The following RASA1 variants were observed in gnomAD, a reference collection of about 807,000 sequenced individuals.
RASA1 encodes the protein ras GTPase-activating protein 1.
RASA1 carries 25 observed loss-of-function variants against 132.2 expected under a neutral mutation model. The ratio of observed to expected loss-of-function variants is 0.19; its 90% CI spans 0.14 to 0.26. RASA1 has a LOEUF of 0.26. Among genes scored for constraint, RASA1 ranks in the 10% least tolerant of loss-of-function variants. RASA1 has a pLI of 1.00. For synonymous variants in RASA1, 477 were observed against 449.9 expected (o/e 1.06, Z -0.76); for missense variants, 964 against 1,299.2 (o/e 0.74, Z 3.97).
At chr5:87,337,197 T>C (rs2112384114) in intron 4 of RASA1, among the ~76,000 whole-genome samples, 1 of 152,236 alleles carries the variant, frequency 6.6e-6, no homozygotes, top group East Asian at 1.9e-4. Flanking sequence ...GAATTACTAA[T>C]GGTTTTATAT....
intron 11 of RASA1, among the ~76,000 whole-genome samples, chr5:87,366,964 C>T (rs1414360753): frequency 1.3e-5 from 2 of 152,222 alleles, no homozygotes; most frequent in African/African-American, 4.8e-5. Flanking sequence ...CCCAGGCTCA[C>T]AACTGCCAGG....
chr5:87,384,121 T>C (rs1430791963), intron 21 of RASA1, among the ~76,000 whole-genome samples: 2 of 152,142 alleles, frequency 1.3e-5, no homozygotes, highest in African/African-American at 2.4e-5. Flanking sequence ...GCTTAGCCCA[T>C]TGCTAGACTG....
intron 1 of RASA1, among the ~76,000 whole-genome samples, chr5:87,271,538 G>A (rs924251548): frequency 1.5e-5 from 2 of 132,496 alleles, no homozygotes; most frequent in African/African-American, 6.0e-5. Flanking sequence ...GCGTGTTTTC[G>A]GCTCACTGCA....
rs745660568 is a variant in RASA1 at position 87,331,507 on chromosome 5, C to CT, written c.692+10dup. The stretch of plus-strand genomic sequence containing the variant: ...ATGTTGTCAACCATTTTAGGTAAGT[C>CT]TTTATTCCTATTATGAAGCCAAATG... On this transcript the variant is annotated splice_region_variant and intron_variant, in intron 2 of 24. Coordinates refer to ENST00000274376, the MANE Select transcript of RASA1 (RefSeq NM_002890.3). 1.2e-6 allele frequency: 2 copies of CT among 1,613,284 alleles called. No homozygotes were observed. The highest frequency in any genetic ancestry group is 1.7e-6 in the Non-Finnish European group (2 of 1,179,468).
chr5:87,385,517 T>C, intron 22 of RASA1, 128 bp downstream of exon 22: 1 of 737,792 alleles, frequency 1.4e-6, no homozygotes, highest in Non-Finnish European at 2.3e-6. Context: ...TTTTTGTTGG[T>C]ATGTTTGTTT....
intron 9 of RASA1, among the ~76,000 whole-genome samples, chr5:87,360,129 T>TTG (rs1554047680): frequency 1.3e-5 from 2 of 151,582 alleles, no homozygotes; most frequent in African/African-American, 4.9e-5. Context: ...ATGCAGTTTT[T>TTG]TTTTTTTTTT....
Position 87,349,378 on chromosome 5 carries a change from T to G in RASA1, c.1253+14T>G. ...GTATTATAACAGGTAAATCATAATT[T>G]TTTAGCTATCTTTTACTTTTCGCAA... is the stretch of plus-strand genomic sequence containing the variant. On this transcript the variant is annotated intron_variant, in intron 8 of 24. Coordinates refer to ENST00000274376, the MANE Select transcript of RASA1 (RefSeq NM_002890.3). The G allele has an allele frequency of 1.2e-6, 2 of 1,610,814 alleles. No homozygotes were observed. The highest frequency in any genetic ancestry group is 1.7e-6 in the Non-Finnish European group (2 of 1,177,882).
At chr5:87,310,330 C>T (rs762938775) in intron 1 of RASA1, among the ~76,000 whole-genome samples, 1 of 152,008 alleles carries the variant, frequency 6.6e-6, no homozygotes, top group East Asian at 1.9e-4. Flanking sequence ...AATTTATCAT[C>T]AAAATATTTG....
At position 87,268,463 on chromosome 5, in the gene RASA1, C is replaced by G. The variant is rs745761730; in HGVS notation, c.12C>G (p.Ala4=). MMA[A]EAGSEEGGPV... is the part of the protein sequence containing the mutation. ...GAGCGGGCTTCAACATGATGGCGGC[C>G]GAGGCCGGCAGTGAGGAGGGCGGCC... The change falls in exon 1 of 25, where the codon GCC becomes GCG. Residue 4 remains alanine, a synonymous_variant. Transcript: ENST00000274376. The G allele has an allele frequency of 1.9e-6, 3 of 1,546,458 alleles. No individual in the cohort carries two copies. The South Asian group carries it at 3.6e-5, about 18-fold the overall frequency.
intron 1 of RASA1, among the ~76,000 whole-genome samples, chr5:87,311,679 T>C (rs972180984): frequency 2.6e-5 from 4 of 152,140 alleles, no homozygotes; most frequent in Non-Finnish European, 4.4e-5. Flanking sequence ...CCAGGAGAAC[T>C]CACCTGAGTC....
intron 4 of RASA1, among the ~76,000 whole-genome samples, chr5:87,334,160 G>A (rs1261676770): frequency 1.3e-5 from 2 of 152,016 alleles, no homozygotes; most frequent in Non-Finnish European, 2.9e-5. Flanking sequence ...ACCCACAATC[G>A]GCTGTCTGCA....
At chr5:87,310,515 G>A (rs576546228) in intron 1 of RASA1, among the ~76,000 whole-genome samples, 24 of 152,278 alleles carry the variant, frequency 1.6e-4, no homozygotes, top group Non-Finnish European at 2.8e-4. Flanking sequence ...TGGAGTCTGA[G>A]TAGGCTTTGC....
chr5:87,320,331 G>A (rs1215129752), intron 1 of RASA1, among the ~76,000 whole-genome samples: 1 of 152,178 alleles, frequency 6.6e-6, no homozygotes, highest in Non-Finnish European at 1.5e-5. Flanking sequence ...CTTTATAGCA[G>A]TGCCACACTT....
chr5:87,272,371 A>G (rs750716568), intron 1 of RASA1, among the ~76,000 whole-genome samples: 3 of 152,172 alleles, frequency 2.0e-5, no homozygotes, highest in African/African-American at 4.8e-5. Flanking sequence ...TTATCAACCC[A>G]GAGTCACTGG....
intron 20 of RASA1, among the ~76,000 whole-genome samples, chr5:87,381,685 T>C (rs1464379544): frequency 1.3e-5 from 2 of 152,270 alleles, no homozygotes; most frequent in East Asian, 1.9e-4. Flanking sequence ...TTGGGAGGAA[T>C]AGAAAAGAAT....
chr5:87,386,974 A>C (rs539633011), intron 23 of RASA1, 71 bp downstream of exon 23: 1 of 1,334,558 alleles, frequency 7.5e-7, no homozygotes, highest in East Asian at 2.3e-5. Flanking sequence ...CCATTTAAGC[A>C]GCAATCTTTA....
rs551929481 is a variant in RASA1 at position 87,321,676 on chromosome 5, T to A, written c.540-9672T>A. Among the ~76,000 whole-genome samples the A allele has an allele frequency of 1.1e-4, 17 of 152,370 alleles. No homozygotes were observed. The South Asian group carries it at 3.1e-3, about 28-fold the overall frequency. On this transcript the variant is annotated intron_variant, in intron 1 of 24. Coordinates refer to ENST00000274376, the MANE Select transcript of RASA1 (RefSeq NM_002890.3). Reference sequence around the variant, plus strand: ...AGGGTCCCAAATGTAGGAGCCTCTGTTTCCGTGGAGTTAGGGTATGCCACT... The same window carrying A: ...AGGGTCCCAAATGTAGGAGCCTCTGATTCCGTGGAGTTAGGGTATGCCACT...
chr5:87,279,856 A>G (rs1754234296), intron 1 of RASA1, among the ~76,000 whole-genome samples: 2 of 152,210 alleles, frequency 1.3e-5, no homozygotes, highest in East Asian at 1.9e-4. Context: ...AAATCCCACA[A>G]TAGGTCATCT....
At chr5:87,376,280 T>G in intron 15 of RASA1, 113 bp from the exon 16 acceptor site, 1 of 1,277,108 alleles carries the variant, frequency 7.8e-7, no homozygotes. Context: ...GAAAACTCCT[T>G]TAATGAAAAG....
Sources: allele counts gnomAD v4.1 joint callset (sites outside exome capture counted in the v4.1 genomes callset), GRCh38; gene constraint gnomAD v4.1.1; transcripts MANE v1.5; gene names NCBI Gene and HGNC (gene_info 2026-07-23, HGNC 2026-07-21).